The following OTUD7B variants were observed in gnomAD, a reference collection of about 807,000 sequenced individuals.
OTUD7B encodes the protein OTU domain-containing protein 7B.
OTUD7B carries 34 observed loss-of-function variants against 82.2 expected under a neutral mutation model. That is an observed-to-expected ratio of 0.41 (90% CI 0.31 to 0.55). The LOEUF is 0.55. OTUD7B is among the 20% of genes least tolerant of loss of function. The probability of loss-of-function intolerance (pLI) is 0.20; values close to 1 mark genes in which losing one functional copy is unlikely to be tolerated. For synonymous variants in OTUD7B, 398 were observed against 402.7 expected, an observed-to-expected ratio of 0.99 and a Z score of 0.14; for missense variants, 944 against 1,062.1, an observed-to-expected ratio of 0.89 and a Z score of 1.55.
chr1:149,968,393 G>A (rs1649669794), intron 3 of OTUD7B, among the ~76,000 whole-genome samples: 1 of 151,842 alleles, frequency 6.6e-6, no homozygotes, highest in Non-Finnish European at 1.5e-5. Flanking sequence ...AAATTTATAG[G>A]GACAGTCAAT....
chr1:150,014,396 CAAA>C (rs149994819), upstream of OTUD7B, among the ~76,000 whole-genome samples: 2 of 117,026 alleles, frequency 1.7e-5, no homozygotes, highest in Non-Finnish European at 1.7e-5. Flanking sequence ...GAAAGTGTCT[CAAA>C]AAAAAAAAAA....
intron 7 of OTUD7B, among the ~76,000 whole-genome samples, chr1:149,953,796 T>C (rs1222415399): frequency 6.6e-6 from 1 of 152,222 alleles, no homozygotes; most frequent in Non-Finnish European, 1.5e-5. Flanking sequence ...AGGTATTTTA[T>C]TCTCTTTGAA....
At chr1:150,007,864 G>A (rs781826344) in intron 1 of OTUD7B, among the ~76,000 whole-genome samples, 4 of 152,196 alleles carry the variant, frequency 2.6e-5, no homozygotes, top group Non-Finnish European at 5.9e-5. Flanking sequence ...AGTTCCCATA[G>A]GAAAGATACT....
chr1:150,026,945 T>C, the OTUD7B span, among the ~76,000 whole-genome samples: 6 of 152,210 alleles, frequency 3.9e-5, no homozygotes, highest in Non-Finnish European at 8.8e-5. Context: ...TTTATATAAA[T>C]TGTAGAAATA....
intron 11 of OTUD7B, among the ~76,000 whole-genome samples, chr1:149,946,734 T>G (rs1203377899): frequency 8.8e-5 from 8 of 90,896 alleles, no homozygotes; most frequent in African/African-American, 3.7e-4. Context: ...AGAGCAAGAC[T>G]TCCTCTGAAA....
At chr1:150,033,614 C>A in the OTUD7B span, among the ~76,000 whole-genome samples, 1 of 152,172 alleles carries the variant, frequency 6.6e-6, no homozygotes, top group Admixed American at 6.5e-5. Flanking sequence ...TTATCATCTA[C>A]TGCTCATTTT....
the OTUD7B span, among the ~76,000 whole-genome samples, chr1:150,062,848 G>A: frequency 6.7e-6 from 1 of 150,306 alleles, no homozygotes; most frequent in African/African-American, 2.4e-5. Flanking sequence ...CTGAGTACCT[G>A]GGATTACAGG....
At chr1:150,009,273 T>C (rs1274071766) in intron 1 of OTUD7B, among the ~76,000 whole-genome samples, 3 of 152,198 alleles carry the variant, frequency 2.0e-5, no homozygotes, top group Non-Finnish European at 2.9e-5. Flanking sequence ...AGAAGTTACA[T>C]AGCATAGAAA....
At chr1:149,979,779 A>G (rs903571038) in intron 1 of OTUD7B, among the ~76,000 whole-genome samples, 10 of 151,768 alleles carry the variant, frequency 6.6e-5, no homozygotes, top group African/African-American at 2.4e-4. Context: ...TCCTCCCCCT[A>G]CCCCCCAGTA....
At chr1:149,973,557 C>T (rs1650074418) in intron 2 of OTUD7B, among the ~76,000 whole-genome samples, 1 of 152,148 alleles carries the variant, frequency 6.6e-6, no homozygotes, top group Non-Finnish European at 1.5e-5. Flanking sequence ...ACGATCTCGG[C>T]TCACTGGAAC....
At chr1:149,989,614 C>T (rs1299529703) in intron 1 of OTUD7B, among the ~76,000 whole-genome samples, 2 of 151,508 alleles carry the variant, frequency 1.3e-5, no homozygotes, top group African/African-American at 4.9e-5. Context: ...GTGGCACACA[C>T]TGTAGACCCA....
At chr1:149,992,858 C>T (rs1265906684) in intron 1 of OTUD7B, among the ~76,000 whole-genome samples, 1 of 152,106 alleles carries the variant, frequency 6.6e-6, no homozygotes, top group Non-Finnish European at 1.5e-5. Flanking sequence ...TTCTCCTTAG[C>T]CAAAAGTGTT....
rs782627528 is a variant in OTUD7B, at chr1:149,965,924, C to T, written c.503-46G>A. On this transcript the variant is annotated intron_variant, in intron 4 of 11. Transcript: ENST00000581312. Reference sequence around the variant, plus strand: ...AGGAAAAGGAGATTATCCATGAAGCCCTTCCACCTTCCTATTTCTGAAACA... The same window carrying T: ...AGGAAAAGGAGATTATCCATGAAGCTCTTCCACCTTCCTATTTCTGAAACA... 33 of 1,471,054 alleles carry T rather than the reference C, an allele frequency of 2.2e-5. 1 individual carries two copies. In the East Asian group the frequency reaches 5.5e-4, roughly 24 times the overall value. 91.1% of individuals were successfully genotyped at this position (1,471,054 alleles called of 1,614,324 possible). A position where few individuals can be genotyped will look rare whatever the true frequency, so the allele number is the denominator to read the frequency against.
At chr1:150,046,901 T>A in the OTUD7B span, among the ~76,000 whole-genome samples, 1 of 151,746 alleles carries the variant, frequency 6.6e-6, no homozygotes, top group South Asian at 2.1e-4. Flanking sequence ...CGAAACCCCA[T>A]CTCTACTAAA....
chr1:150,049,629 C>CTCTTTTTTTTTTTTTTTTTTT, the OTUD7B span, among the ~76,000 whole-genome samples: 2 of 43,468 alleles, frequency 4.6e-5, 1 homozygote. Context: ...CTCTCTCTCT[C>CTCTTTTTTTTTTTTTTTTTTT]TTTCTTTTTT....
chr1:149,944,704 C>T lies in OTUD7B; in HGVS notation c.1685G>A (p.Gly562Asp). ...KKNSLKSWKG[G>D]KEEAAGDGPV... is the part of the protein sequence containing the mutation. ...CCCATCCCCAGCTGCCTCCTCCTTG[C>T]CACCCTTCCAGCTCTTCAGTGAGTT... Residue 562 changes from glycine (G) to aspartate (D), a missense_variant, in exon 12 of 12, where the codon GGC (glycine) becomes GAC (aspartate). Physicochemically the swap from Gly to Asp is moderately conservative, Grantham distance 94 (BLOSUM62 -1). Transcript: ENST00000581312. 2 of 1,613,846 alleles carry T rather than the reference C, an allele frequency of 1.2e-6. No homozygotes were observed. Among genetic ancestry groups the T allele is most frequent in the Non-Finnish European group, 1.7e-6 (2 of 1,180,012 alleles).
rs1649489434 is a variant in OTUD7B, at chr1:149,965,847, G to A, written c.534C>T (p.Pro178=). 1 of 1,614,042 alleles carries A rather than the reference G, an allele frequency of 6.2e-7. No homozygotes were observed. The highest frequency in any genetic ancestry group is 1.1e-5 in the South Asian group (1 of 91,046). The change falls in exon 5 of 12, where the codon CCC becomes CCT. Residue 178 remains proline (P), a synonymous_variant. Transcript: ENST00000581312. ...CCAAAGGAAGCAGCCTCTGAGAGGT[G>A]GGATCCACACTCACCCACCAGTTCA... is the stretch of plus-strand genomic sequence containing the variant. ...GRLNWWVSVD[P]TSQRLLPLAT... is the part of the protein sequence containing the mutation.
the OTUD7B span, among the ~76,000 whole-genome samples, chr1:150,037,373 GC>G: frequency 3.3e-5 from 5 of 151,708 alleles, no homozygotes; most frequent in African/African-American, 1.2e-4. Flanking sequence ...GGCAGTAAAG[GC>G]ATACAGCTCC....
Position 149,944,226 on chromosome 1 carries a change from G to T in OTUD7B, c.2163C>A (p.Val721=). 6.2e-7 allele frequency: 1 copy of T among 1,612,988 alleles called. No homozygotes were observed. The highest frequency in any genetic ancestry group is 8.5e-7 in the Non-Finnish European group (1 of 1,179,304). Residue 721 remains valine (V), a synonymous_variant, in exon 12 of 12, where the codon GTC becomes GTA. Coordinates refer to ENST00000581312, the MANE Select transcript of OTUD7B (RefSeq NM_020205.4). ...PRRQLAGGPC[V]GGLPPYATFP... is the part of the protein sequence containing the mutation. ...AGGTGGCATATGGTGGTAGGCCCCC[G>T]ACACATGGACCCCCTGCCAACTGCC...
Sources: allele counts gnomAD v4.1 joint callset (sites outside exome capture counted in the v4.1 genomes callset), GRCh38; gene constraint gnomAD v4.1.1; transcripts MANE v1.5; gene names NCBI Gene and HGNC (gene_info 2026-07-23, HGNC 2026-07-21).